Variants in BRF1 observed in about 807,000 individuals in gnomAD.
BRF1 encodes transcription factor IIIB 90 kDa subunit.
BRF1 carries 59 observed loss-of-function variants against 81.7 expected under a neutral mutation model. The ratio of observed to expected loss-of-function variants is 0.72; its 90% confidence interval spans 0.59 to 0.90. The LOEUF (loss-of-function observed/expected upper bound fraction) is 0.90, where lower values mean the gene tolerates loss of function less well. BRF1 is among the 40% of genes least tolerant of loss of function. The pLI is 0.00. For synonymous variants in BRF1, 491 were observed against 395.6 expected, an observed-to-expected ratio of 1.24 and a Z score of -2.86; for missense variants, 1,050 against 936.3, an observed-to-expected ratio of 1.12 and a Z score of -1.58.
upstream of BRF1, among the ~76,000 whole-genome samples, chr14:105,302,121 G>T (rs1244955557): frequency 6.6e-6 from 1 of 151,512 alleles, no homozygotes; most frequent in African/African-American, 2.4e-5. Context: ...CCTGGGTGAC[G>T]GGTGACAAGA....
intron 2 of BRF1, among the ~76,000 whole-genome samples, chr14:105,281,978 C>A (rs991272471): frequency 6.6e-6 from 1 of 152,138 alleles, no homozygotes; most frequent in Non-Finnish European, 1.5e-5. Flanking sequence ...GCGTCCCAAA[C>A]GAAAGGCTCA....
intron 1 of BRF1, among the ~76,000 whole-genome samples, chr14:105,299,381 G>C (rs1355395314): frequency 1.3e-5 from 2 of 152,070 alleles, no homozygotes; most frequent in African/African-American, 4.8e-5. Context: ...GACCAGCCTG[G>C]GCAACATAGA....
Position 105,286,374 on chromosome 14 carries a change from C to A in BRF1, c.187G>T (p.Ala63Ser), listed in dbSNP as rs2057316564. ...AVGQFVSLDG[A>S]GKTPTLGGGF... ...CCACCCAGAGTCGGGGTTTTGCCAG[C>A]ACCTGGAAACACAAAAAAAGACAGA... Residue 63 changes from alanine to serine, a missense_variant and splice_region_variant, in exon 2 of 18, where the codon GCT becomes TCT. By Grantham distance (99) the Ala-to-Ser change is moderately conservative. Coordinates refer to ENST00000547530, the MANE Select transcript of BRF1 (RefSeq NM_001519.4). The A allele has an allele frequency of 6.2e-7, 1 of 1,612,396 alleles. No individual in the cohort carries two copies. Among genetic ancestry groups the A allele is most frequent in the Non-Finnish European group, 8.5e-7 (1 of 1,179,334 alleles).
intron 5 of BRF1, chr14:105,250,639 T>C: frequency 6.2e-7 from 1 of 1,612,536 alleles, no homozygotes; most frequent in Non-Finnish European, 8.5e-7. Flanking sequence ...GGGTCCAGGG[T>C]GGGCAGATCC....
In BRF1 at chr14:105,241,302, C is replaced by T. The variant is rs751448117; in HGVS notation, c.657G>A (p.Met219Ile). Residue 219 changes from methionine to isoleucine, a missense_variant, in exon 6 of 18, where the codon ATG (methionine) becomes ATA (isoleucine). Met to Ile is a conservative substitution (Grantham distance 10). Coordinates refer to ENST00000547530, the MANE Select transcript of BRF1 (RefSeq NM_001519.4). ...RLLQRMKRDW[M>I]HTGRRPSGLC... ...GGCCCGAGGGGCGCCGGCCTGTGTG[C>T]ATCCAGTCCCGCTTCATCCTCTGTA... The T allele has an allele frequency of 6.2e-6, 10 of 1,612,492 alleles. No individual in the cohort carries two copies. In the South Asian group the frequency reaches 7.7e-5, roughly 12 times the overall value.
intron 4 of BRF1, among the ~76,000 whole-genome samples, chr14:105,253,997 A>G (rs1316927850): frequency 6.6e-6 from 1 of 152,190 alleles, no homozygotes; most frequent in Non-Finnish European, 1.5e-5. Flanking sequence ...TGAGTGCCCC[A>G]GCCCCTGTGC....
chr14:105,210,490 C>G lies in BRF1; in HGVS notation c.*61G>C, dbSNP rs1037547484. ...GCCTGCTGCGGTCCTGGAAGCCCGT[C>G]TGATGCTGAGGAGACCCGCGAGGCC... On this transcript the variant is annotated 3_prime_UTR_variant, in exon 18 of 18. Transcript: ENST00000547530. This position sits in a 1 kb window ranked among gnomAD's most constrained non-coding sequence, Gnocchi z 4.7. 1.1e-5 allele frequency: 17 copies of G among 1,593,178 alleles called. No individual in the cohort carries two copies. The highest frequency in any genetic ancestry group is 1.7e-4 in the Middle Eastern group (1 of 6,000).
At chr14:105,218,359 G>A (rs1366070982) in intron 14 of BRF1, among the ~76,000 whole-genome samples, 1 of 152,180 alleles carries the variant, frequency 6.6e-6, no homozygotes, top group Non-Finnish European at 1.5e-5. Context: ...GCAAGGCCTG[G>A]GACGTGCTGC....
intron 3 of BRF1, among the ~76,000 whole-genome samples, chr14:105,262,573 T>A (rs996823871): frequency 2.0e-5 from 3 of 152,182 alleles, no homozygotes; most frequent in African/African-American, 7.2e-5. Context: ...ATGGCCTCTG[T>A]GAAGTTCAAG....
upstream of BRF1, among the ~76,000 whole-genome samples, chr14:105,301,747 C>G (rs1039169376): frequency 6.6e-6 from 1 of 152,238 alleles, no homozygotes; most frequent in Non-Finnish European, 1.5e-5. Flanking sequence ...TGCCCCCTGC[C>G]CAGAGCGGGA....
chr14:105,293,287 T>C (rs1006299441), intron 1 of BRF1, among the ~76,000 whole-genome samples: 2 of 152,176 alleles, frequency 1.3e-5, no homozygotes, highest in African/African-American at 4.8e-5. Flanking sequence ...CCAGGTGACA[T>C]GCAGCCATGT....
chr14:105,286,493 A>C (rs2057321153), intron 1 of BRF1, 117 bp from the exon 2 acceptor site: 2 of 1,069,738 alleles, frequency 1.9e-6, no homozygotes, highest in African/African-American at 3.1e-5. Context: ...TCATGGGGGA[A>C]GCAGCAGGTC....
intron 5 of BRF1, chr14:105,248,328 C>G: frequency 2.0e-6 from 2 of 985,510 alleles, no homozygotes; most frequent in Non-Finnish European, 2.4e-6. Flanking sequence ...AGATCGCTAA[C>G]TGAAGAACGG....
intron 12 of BRF1, 33 bp downstream of exon 12, chr14:105,220,036 C>T: frequency 6.2e-7 from 1 of 1,608,486 alleles, no homozygotes. Flanking sequence ...CTCCCAAGCC[C>T]AGCCCCTCTT....
At chr14:105,241,584 C>G in intron 5 of BRF1, 170 bp from the exon 6 acceptor site, 1 of 865,614 alleles carries the variant, frequency 1.2e-6, no homozygotes, top group Non-Finnish European at 1.8e-6. Context: ...GCTAGGGCAG[C>G]CATCGCACCG....
chr14:105,257,342 C>A (rs964954506), intron 3 of BRF1, among the ~76,000 whole-genome samples: 46 of 152,254 alleles, frequency 3.0e-4, no homozygotes, highest in African/African-American at 1.1e-3. Context: ...AAGGAAGATC[C>A]CCGGGACCAG....
In BRF1 at chr14:105,306,908, A is replaced by T. The variant is rs587608406; in HGVS notation, c.-162+8414T>A. On this transcript the variant is annotated intron_variant, in intron 1 of 17. Transcript: ENST00000327359. ...GGCGTGAGCCACCGTGCCAAGCCCCATCGTGTTCTCATCTGTGGTGCTTTG... is the reference window on the plus strand; with the variant it reads ...GGCGTGAGCCACCGTGCCAAGCCCCTTCGTGTTCTCATCTGTGGTGCTTTG... Among the ~76,000 whole-genome samples, 6 of 151,154 alleles carry T rather than the reference A, an allele frequency of 4.0e-5. No homozygotes were observed. In the South Asian group the frequency reaches 1.3e-3, roughly 32 times the overall value.
intron 1 of BRF1, among the ~76,000 whole-genome samples, chr14:105,297,127 C>T (rs1019241199): frequency 6.6e-6 from 1 of 152,114 alleles, no homozygotes; most frequent in Non-Finnish European, 1.5e-5. Flanking sequence ...CACTGCACTC[C>T]AGCCTGAGTG....
At chr14:105,246,501 GCT>G (rs1000196457) in intron 5 of BRF1, among the ~76,000 whole-genome samples, 3 of 151,918 alleles carry the variant, frequency 2.0e-5, no homozygotes, top group African/African-American at 7.2e-5. Context: ...ACGGAGTCTC[GCT>G]CTGTCATCCA....
Sources: gnomAD v4.1 joint callset for allele counts (sites outside exome capture counted in the v4.1 genomes callset) on GRCh38, gnomAD v4.1.1 for gene constraint, Gnocchi (gnomAD v3.1) non-coding constraint, MANE v1.5 for transcripts, NCBI Gene and HGNC (gene_info 2026-07-23, HGNC 2026-07-21) for gene names.